The following CAPZB variants were observed in gnomAD, a reference collection of about 807,000 sequenced individuals.
CAPZB encodes the protein capping actin protein of muscle Z-line subunit beta.
A neutral mutation model predicts 38.1 loss-of-function variants in CAPZB; 2 were observed. The ratio of observed to expected loss-of-function variants is 0.05; its 90% CI spans 0.02 to 0.17. The LOEUF is 0.17. CAPZB is among the 10% of genes least tolerant of loss of function. CAPZB has a pLI of 1.00. For synonymous variants in CAPZB, 107 were observed against 127.4 expected (o/e 0.84, Z 1.08); for missense variants, 161 against 334.2 (o/e 0.48, Z 4.04).
rs545451720 is a variant in CAPZB, at chr1:19,463,459, C to T, written c.3+21977G>A. ...GATTTCTTAGAAGTCAGTAAACAGG[C>T]TCATTTCCTTTACAGTTAAATTTTG... On this transcript the variant is annotated intron_variant, in intron 1 of 8. Transcript: ENST00000264202. 3.3e-5 allele frequency among the ~76,000 whole-genome samples: 5 copies of T among 152,328 alleles called. No individual in the cohort carries two copies. In the South Asian group the frequency reaches 1.0e-3, roughly 32 times the overall value.
intron 3 of CAPZB, among the ~76,000 whole-genome samples, chr1:19,384,123 G>A (rs181516583): frequency 4.6e-5 from 7 of 152,172 alleles, no homozygotes; most frequent in African/African-American, 1.4e-4. Flanking sequence ...AACATTTCAC[G>A]TGTGTTACTT....
chr1:19,451,257 G>T (rs2094515067), intron 1 of CAPZB, among the ~76,000 whole-genome samples: 1 of 152,184 alleles, frequency 6.6e-6, no homozygotes, highest in East Asian at 1.9e-4. Context: ...GTTCCCCAGG[G>T]GAACCCACCA....
chr1:19,467,292 T>C (rs1271998286), intron 1 of CAPZB, among the ~76,000 whole-genome samples: 1 of 152,184 alleles, frequency 6.6e-6, no homozygotes, highest in Admixed American at 6.5e-5. Flanking sequence ...CACACTGGGC[T>C]CATTCCTGCA....
chr1:19,468,451 A>T (rs1396312814), intron 1 of CAPZB, among the ~76,000 whole-genome samples: 4 of 152,110 alleles, frequency 2.6e-5, no homozygotes, highest in Admixed American at 2.6e-4. Flanking sequence ...CGGGGTCCCC[A>T]AGGCCTGGAA....
chr1:19,411,342 T>C (rs1439917833), intron 2 of CAPZB, among the ~76,000 whole-genome samples: 1 of 152,244 alleles, frequency 6.6e-6, no homozygotes, highest in African/African-American at 2.4e-5. Flanking sequence ...ATTTGTATTC[T>C]CTGAAAAATA....
At chr1:19,375,336 G>A (rs2094139510) in intron 4 of CAPZB, among the ~76,000 whole-genome samples, 2 of 152,228 alleles carry the variant, frequency 1.3e-5, no homozygotes, top group Non-Finnish European at 2.9e-5. Flanking sequence ...CAAAATTCAT[G>A]CCTCTGGTAT....
At chr1:19,384,202 C>A (rs1158259810) in intron 3 of CAPZB, among the ~76,000 whole-genome samples, 5 of 152,210 alleles carry the variant, frequency 3.3e-5, no homozygotes, top group Admixed American at 6.5e-5. Flanking sequence ...CAAGACCCTG[C>A]CAGACCTGCC....
At chr1:19,354,334 T>G (rs1428494388) in intron 6 of CAPZB, among the ~76,000 whole-genome samples, 2 of 152,194 alleles carry the variant, frequency 1.3e-5, no homozygotes, top group African/African-American at 4.8e-5. Flanking sequence ...CCAAGGCTCC[T>G]CTGGGACCCG....
chr1:19,443,699 G>A (rs1322335874), intron 1 of CAPZB, among the ~76,000 whole-genome samples: 1 of 152,204 alleles, frequency 6.6e-6, no homozygotes, highest in African/African-American at 2.4e-5. Flanking sequence ...ACTGTGTCAG[G>A]TACTTTACAA....
At position 19,357,325 on chromosome 1, in the gene CAPZB, G is replaced by T. The variant is rs2094027022; in HGVS notation, c.471+97C>A. 5 of 1,120,520 alleles carry T rather than the reference G, an allele frequency of 4.5e-6. No individual in the cohort carries two copies. The East Asian group carries it at 7.1e-5, about 16-fold the overall frequency. The allele number at this position is 1,120,520 out of a possible 1,614,324, so 69.4% of individuals were successfully genotyped here. ...CAGAATTAGGGGTTCAGAGATCACA[G>T]CATCCCCCTACTGCATCTGTTAGAG... is the stretch of plus-strand genomic sequence containing the variant. On this transcript the variant is annotated intron_variant, in intron 5 of 8. Transcript: ENST00000264202. The surrounding 1 kb of genome is among the most constrained non-coding windows in gnomAD (Gnocchi z 4.3).
intron 1 of CAPZB, among the ~76,000 whole-genome samples, chr1:19,452,826 T>TG (rs2094521069): frequency 6.8e-6 from 1 of 146,226 alleles, no homozygotes; most frequent in Non-Finnish European, 1.5e-5. Flanking sequence ...TTTTTTGAGA[T>TG]GGAGTCTCAC....
chr1:19,475,921 A>T (rs1241739798), intron 1 of CAPZB, among the ~76,000 whole-genome samples: 2 of 152,150 alleles, frequency 1.3e-5, no homozygotes, highest in Non-Finnish European at 2.9e-5. Context: ...GCACCCCAAG[A>T]CTGAGAGCCA....
At chr1:19,394,958 T>C (rs937716118) in intron 2 of CAPZB, among the ~76,000 whole-genome samples, 11 of 152,028 alleles carry the variant, frequency 7.2e-5, no homozygotes, top group African/African-American at 2.7e-4. Flanking sequence ...CTCCCACAGC[T>C]CCCCACAAGC....
chr1:19,472,515 T>C (rs534345214), intron 1 of CAPZB, among the ~76,000 whole-genome samples: 2 of 152,172 alleles, frequency 1.3e-5, no homozygotes, highest in South Asian at 4.2e-4. Flanking sequence ...ATCCTCATAC[T>C]ATGCTCTATT....
intron 4 of CAPZB, among the ~76,000 whole-genome samples, chr1:19,359,655 C>T (rs994707268): frequency 1.3e-5 from 2 of 152,186 alleles, no homozygotes; most frequent in African/African-American, 4.8e-5. Context: ...GAACACCTGT[C>T]GGATGGAGGT....
intron 4 of CAPZB, among the ~76,000 whole-genome samples, chr1:19,360,944 G>C (rs553240401): frequency 4.3e-4 from 65 of 152,232 alleles, no homozygotes; most frequent in Non-Finnish European, 7.3e-4. Context: ...CTGAAAATTA[G>C]CCCACAATGC....
At chr1:19,445,070 T>A (rs1413957419) in intron 1 of CAPZB, among the ~76,000 whole-genome samples, 3 of 152,022 alleles carry the variant, frequency 2.0e-5, no homozygotes, top group Non-Finnish European at 4.4e-5. Flanking sequence ...ACCCACGAGA[T>A]CTTTGACACA....
At chr1:19,379,091 T>TC (rs1158362830) in intron 3 of CAPZB, among the ~76,000 whole-genome samples, 22 of 121,588 alleles carry the variant, frequency 1.8e-4, no homozygotes, top group African/African-American at 7.4e-4. Context: ...CACCTATTTT[T>TC]TTTTCTTTCT....
Position 19,357,694 on chromosome 1 carries a change from G to A in CAPZB, c.330-131C>T. On this transcript the variant is annotated intron_variant, in intron 4 of 8. Transcript: ENST00000264202. This position sits in a 1 kb window ranked among gnomAD's most constrained non-coding sequence, Gnocchi z 4.3. Reference sequence around the variant, plus strand: ...GCGACAGTTATGGGAGCCGATCCTTGGGTGTGTTCTGATCGTTCTGTGGCT... The same window carrying A: ...GCGACAGTTATGGGAGCCGATCCTTAGGTGTGTTCTGATCGTTCTGTGGCT... 1 of 807,844 alleles carries A rather than the reference G, an allele frequency of 1.2e-6. No individual in the cohort carries two copies. Among genetic ancestry groups the A allele is most frequent in the Non-Finnish European group, 2.0e-6 (1 of 505,684 alleles). 50.0% of individuals were successfully genotyped at this position (807,844 alleles called of 1,614,324 possible).
Sources: allele counts gnomAD v4.1 joint callset (sites outside exome capture counted in the v4.1 genomes callset), GRCh38; gene constraint gnomAD v4.1.1; non-coding constraint Gnocchi (gnomAD v3.1); transcripts MANE v1.5; gene names NCBI Gene and HGNC (gene_info 2026-07-23, HGNC 2026-07-21).